Variants in ADAT1 observed in about 807,000 individuals in gnomAD.
ADAT1 encodes adenosine deaminase tRNA specific 1.
ADAT1 carries 58 observed loss-of-function variants against 58.6 expected under a neutral mutation model. The ratio of observed to expected loss-of-function variants is 0.99; its 90% CI spans 0.80 to 1.23. ADAT1 has a LOEUF of 1.23. ADAT1 is among the 50% of genes most tolerant of loss of function. The pLI is 0.00. For synonymous variants in ADAT1, 254 were observed against 220.8 expected, an observed-to-expected ratio of 1.15 and a Z score of -1.33; for missense variants, 741 against 608.6, an observed-to-expected ratio of 1.22 and a Z score of -2.29.
At chr16:75,610,312 T>C (rs80176092) in intron 6 of ADAT1, among the ~76,000 whole-genome samples, 1 of 151,970 alleles carries the variant, frequency 6.6e-6, no homozygotes, top group Non-Finnish European at 1.5e-5. Context: ...TTTTTTTTTT[T>C]GGAGACAGGG....
intron 2 of ADAT1, 93 bp from the exon 3 acceptor site, chr16:75,620,427 C>T: frequency 6.8e-7 from 1 of 1,476,670 alleles, no homozygotes; most frequent in Non-Finnish European, 9.5e-7. Context: ...CTAGGGGATT[C>T]CCAGAGGCCC....
chr16:75,617,926 A>G (rs924303783), intron 4 of ADAT1, among the ~76,000 whole-genome samples: 3 of 150,520 alleles, frequency 2.0e-5, no homozygotes, highest in African/African-American at 7.3e-5. Flanking sequence ...GTCTTTAAAA[A>G]AAAAAAAAAA....
rs1213614880 is a variant in ADAT1 at position 75,598,511 on chromosome 16, TA to T, written c.*1704del. On this transcript the variant is annotated 3_prime_UTR_variant, in exon 10 of 10. Coordinates refer to ENST00000564657, the MANE Select transcript of ADAT1 (RefSeq NM_001324445.2). ...TGGTTGCACAACTCTGTGGATATAC[TA>T]AAAAAATTTTTTTTTTTTTTTTTTG... 2.1e-4 allele frequency among the ~76,000 whole-genome samples: 31 copies of T among 149,592 alleles called. No homozygotes were observed. In the South Asian group the frequency reaches 6.5e-3, roughly 31 times the overall value.
intron 4 of ADAT1, 77 bp downstream of exon 4, chr16:75,618,509 C>CCA: frequency 2.4e-4 from 186 of 779,950 alleles, no homozygotes; most frequent in African/African-American, 4.8e-4. Context: ...CTGTCCCCCC[C>CCA]AAAAAAAAAA....
chr16:75,605,153 T>G (rs2081335745), intron 8 of ADAT1, among the ~76,000 whole-genome samples: 1 of 152,160 alleles, frequency 6.6e-6, no homozygotes, highest in Admixed American at 6.6e-5. Flanking sequence ...TGCAGTGGCG[T>G]GATCTCGGCT....
At chr16:75,619,898 A>T (rs1004001861) in intron 3 of ADAT1, among the ~76,000 whole-genome samples, 9 of 151,334 alleles carry the variant, frequency 5.9e-5, no homozygotes, top group Non-Finnish European at 1.2e-4. Flanking sequence ...CGAGTCAAAA[A>T]AAAAAAAAAA....
chr16:75,616,733 A>G (rs188958368), intron 5 of ADAT1, among the ~76,000 whole-genome samples: 1 of 152,262 alleles, frequency 6.6e-6, no homozygotes, highest in East Asian at 1.9e-4. Flanking sequence ...ATTTCTGTAT[A>G]CTCAGTATGT....
At chr16:75,609,798 G>T (rs974265623) in intron 6 of ADAT1, among the ~76,000 whole-genome samples, 5 of 152,090 alleles carry the variant, frequency 3.3e-5, no homozygotes, top group Admixed American at 2.0e-4. Flanking sequence ...CTGCCCCCTG[G>T]TCTCAAGCGA....
Position 75,600,306 on chromosome 16 carries a change from C to G in ADAT1, c.1419G>C (p.Ala473=). 6.2e-7 allele frequency: 1 copy of G among 1,614,070 alleles called. No homozygotes were observed. Among genetic ancestry groups the G allele is most frequent in the Non-Finnish European group, 8.5e-7 (1 of 1,180,016 alleles). Residue 473 remains alanine, a synonymous_variant, in exon 10 of 10, where the codon GCG becomes GCC. Transcript: ENST00000564657. ...LDTYQEYKEA[A]SSYQEAWSTL... is the part of the protein sequence containing the mutation. The stretch of plus-strand genomic sequence containing the variant: ...TGCTCCAGGCTTCCTGGTAAGAGGA[C>G]GCAGCCTCCTTGTACTCCTGGTAGG...
chr16:75,621,787 C>T (rs569808305), intron 1 of ADAT1, among the ~76,000 whole-genome samples: 1 of 152,300 alleles, frequency 6.6e-6, no homozygotes, highest in East Asian at 1.9e-4. Flanking sequence ...ATCTCTCACT[C>T]TTGGCCCTAT....
At chr16:75,615,845 T>C (rs759922458) in intron 5 of ADAT1, among the ~76,000 whole-genome samples, 1 of 152,178 alleles carries the variant, frequency 6.6e-6, no homozygotes, top group Non-Finnish European at 1.5e-5. Flanking sequence ...TTCATGTGCA[T>C]ATTACAGCTT....
At chr16:75,614,146 C>A (rs1022692428) in intron 5 of ADAT1, among the ~76,000 whole-genome samples, 2 of 151,998 alleles carry the variant, frequency 1.3e-5, no homozygotes, top group East Asian at 3.9e-4. Flanking sequence ...GCCAAGAATG[C>A]GCCACTGCAC....
At chr16:75,614,886 C>T (rs976056085) in intron 5 of ADAT1, among the ~76,000 whole-genome samples, 2 of 152,062 alleles carry the variant, frequency 1.3e-5, no homozygotes, top group Non-Finnish European at 2.9e-5. Context: ...TTAAGATGAA[C>T]AGAGGGTTGC....
intron 9 of ADAT1, 45 bp from the exon 10 acceptor site, chr16:75,600,393 C>G: frequency 1.9e-6 from 3 of 1,606,160 alleles, no homozygotes; most frequent in Non-Finnish European, 2.6e-6. Context: ...CATTGAATAG[C>G]CCACCCCAGG....
intron 9 of ADAT1, among the ~76,000 whole-genome samples, 162 bp downstream of exon 9, chr16:75,602,923 G>A (rs964339929): frequency 2.0e-5 from 3 of 152,136 alleles, no homozygotes; most frequent in East Asian, 1.9e-4. Context: ...GATCATGCAC[G>A]TATCTGCAAA....
At chr16:75,610,386 C>T (rs1251721141) in intron 6 of ADAT1, among the ~76,000 whole-genome samples, 3 of 151,756 alleles carry the variant, frequency 2.0e-5, no homozygotes, top group African/African-American at 7.3e-5. Context: ...GCCTCAACAT[C>T]CCGTGGCTCT....
rs375249175 is a variant in ADAT1, at chr16:75,605,590, C to T, written c.1290-2419G>A. 3.0e-3 allele frequency among the ~76,000 whole-genome samples: 449 copies of T among 152,048 alleles called. 14 individuals carry two copies. In the South Asian group the frequency reaches 0.09, roughly 30 times the overall value. ...CAAGGTGGGTCGGCACCACTAACAC[C>T]CACATTGTTGAAAAGTCAGCTGTAT... On this transcript the variant is annotated intron_variant, in intron 8 of 9. Coordinates refer to ENST00000564657, the MANE Select transcript of ADAT1 (RefSeq NM_001324445.2).
At chr16:75,611,496 C>T (rs2081532463) in intron 6 of ADAT1, among the ~76,000 whole-genome samples, 1 of 152,058 alleles carries the variant, frequency 6.6e-6, no homozygotes, top group Non-Finnish European at 1.5e-5. Context: ...AGGTGATCCT[C>T]CTGCCTCAGC....
intron 3 of ADAT1, among the ~76,000 whole-genome samples, chr16:75,619,310 G>C (rs1414340542): frequency 6.6e-6 from 1 of 152,080 alleles, no homozygotes; most frequent in African/African-American, 2.4e-5. Context: ...ATAGCTTGAG[G>C]CTGGGAGTTT....
Sources: gnomAD v4.1 joint callset for allele counts (sites outside exome capture counted in the v4.1 genomes callset) on GRCh38, gnomAD v4.1.1 for gene constraint, MANE v1.5 for transcripts, NCBI Gene and HGNC (gene_info 2026-07-23, HGNC 2026-07-21) for gene names.